NRG3: variants seen among roughly 807,000 people sequenced by gnomAD.
NRG3 encodes neuregulin 3.
NRG3 carries 31 observed loss-of-function variants against 66.9 expected under a neutral mutation model. The observed-to-expected ratio is 0.46, with a 90% CI of 0.35 to 0.63. NRG3 has a LOEUF of 0.63. Among genes scored for constraint, NRG3 ranks in the 20% least tolerant of loss-of-function variants. The probability of loss-of-function intolerance (pLI) is 0.00; values close to 1 mark genes in which losing one functional copy is unlikely to be tolerated. For synonymous variants in NRG3, 393 were observed against 359.4 expected, an observed-to-expected ratio of 1.09 and a Z score of -1.06; for missense variants, 910 against 878.9, an observed-to-expected ratio of 1.04 and a Z score of -0.45.
chr10:82,395,117 C>T (rs915761464), intron 2 of NRG3, among the ~76,000 whole-genome samples: 3 of 152,118 alleles, frequency 2.0e-5, no homozygotes, highest in Non-Finnish European at 2.9e-5. Context: ...ATGAGAAGAA[C>T]GTATGCCAGA....
rs1215145537 is a variant in NRG3, at chr10:82,908,596, C to G, written c.1055-42873C>G. Among the ~76,000 whole-genome samples, 5 of 152,236 alleles carry G rather than the reference C, an allele frequency of 3.3e-5. No homozygotes were observed. In the East Asian group the frequency reaches 9.7e-4, roughly 29 times the overall value. On this transcript the variant is annotated intron_variant, in intron 4 of 8. Coordinates refer to ENST00000372141, the MANE Select transcript of NRG3 (RefSeq NM_001010848.4). ...AATCAGTATGCTAAAATGAGAACAC[C>G]CACGCTAACTCCTTGCTGTTCACCT... is the stretch of plus-strand genomic sequence containing the variant.
intron 4 of NRG3, among the ~76,000 whole-genome samples, chr10:82,941,078 C>T (rs559459112): frequency 2.0e-5 from 3 of 152,102 alleles, no homozygotes; most frequent in Non-Finnish European, 2.9e-5. Flanking sequence ...TTTAGTACCT[C>T]CTGGTCATCT....
rs2048503003 is a variant in NRG3 at position 82,614,324 on chromosome 10, G to A, written c.954-124253G>A. Among the ~76,000 whole-genome samples the A allele has an allele frequency of 7.2e-5, 11 of 152,310 alleles. 1 individual carries two copies. The South Asian group carries it at 2.3e-3, about 32-fold the overall frequency. ...TACAGCAGCATTTTCCAATGAGTTT[G>A]ACATGGTTATGCTCTGTTCGAATTA... On this transcript the variant is annotated intron_variant, in intron 2 of 8. Transcript: ENST00000372141.
At chr10:82,336,411 T>C (rs1412688199) in intron 1 of NRG3, among the ~76,000 whole-genome samples, 1 of 152,294 alleles carries the variant, frequency 6.6e-6, no homozygotes, top group Middle Eastern at 3.4e-3. Flanking sequence ...AGTTAGATAG[T>C]AGATTTCTAG....
At chr10:81,943,460 A>G (rs1848571038) in intron 1 of NRG3, among the ~76,000 whole-genome samples, 1 of 152,218 alleles carries the variant, frequency 6.6e-6, no homozygotes, top group Non-Finnish European at 1.5e-5. Flanking sequence ...TGTGGAAAGC[A>G]TCTCCTGAAA....
chr10:82,443,178 C>T (rs1298856855), intron 2 of NRG3, among the ~76,000 whole-genome samples: 3 of 151,420 alleles, frequency 2.0e-5, no homozygotes, highest in Admixed American at 1.3e-4. Context: ...AGCCCTGGGA[C>T]AACTTCTGTG....
chr10:82,638,696 G>T (rs2050362063), intron 2 of NRG3, among the ~76,000 whole-genome samples: 1 of 151,906 alleles, frequency 6.6e-6, no homozygotes, highest in Admixed American at 6.6e-5. Context: ...CACCAGGCTG[G>T]AGTGCAGTGG....
chr10:82,384,472 T>C (rs907114899), intron 2 of NRG3, among the ~76,000 whole-genome samples: 3 of 152,090 alleles, frequency 2.0e-5, no homozygotes, highest in Non-Finnish European at 2.9e-5. Context: ...GTTATTCCCC[T>C]CATGTGTCCA....
chr10:81,896,446 G>A (rs1419226720), intron 1 of NRG3, among the ~76,000 whole-genome samples: 2 of 152,096 alleles, frequency 1.3e-5, no homozygotes, highest in Non-Finnish European at 2.9e-5. Context: ...CTTTTCTGAA[G>A]CATTTCTCCC....
intron 4 of NRG3, among the ~76,000 whole-genome samples, chr10:82,922,367 T>G (rs1034916620): frequency 6.6e-6 from 1 of 152,176 alleles, no homozygotes; most frequent in Non-Finnish European, 1.5e-5. Context: ...CCATCTGAAT[T>G]GATCCAATAT....
chr10:82,212,772 T>G (rs1437858420), intron 1 of NRG3, among the ~76,000 whole-genome samples: 2 of 152,242 alleles, frequency 1.3e-5, no homozygotes, highest in East Asian at 3.8e-4. Context: ...ATCTATTTAG[T>G]ATACATTTTC....
At chr10:82,692,934 C>T (rs1407254248) in intron 2 of NRG3, among the ~76,000 whole-genome samples, 2 of 152,160 alleles carry the variant, frequency 1.3e-5, no homozygotes, top group African/African-American at 4.8e-5. Context: ...GCCCTGAATG[C>T]TGGCCAACAG....
chr10:82,528,331 G>A (rs1480182383), intron 2 of NRG3, among the ~76,000 whole-genome samples: 2 of 152,098 alleles, frequency 1.3e-5, no homozygotes, highest in African/African-American at 4.8e-5. Flanking sequence ...TTGAGTGGAA[G>A]TTTTGATCAG....
intron 1 of NRG3, among the ~76,000 whole-genome samples, chr10:82,315,358 C>G (rs571934023): frequency 6.6e-6 from 1 of 152,250 alleles, no homozygotes; most frequent in East Asian, 1.9e-4. Flanking sequence ...CTTTCAGGAA[C>G]GATTTCAGTT....
At chr10:82,769,106 T>C (rs2059620978) in intron 3 of NRG3, among the ~76,000 whole-genome samples, 1 of 152,136 alleles carries the variant, frequency 6.6e-6, no homozygotes, top group Non-Finnish European at 1.5e-5. Context: ...TGTAACATTT[T>C]AACCCATAAA....
chr10:82,632,404 C>T (rs2133737839), intron 2 of NRG3, among the ~76,000 whole-genome samples: 1 of 152,264 alleles, frequency 6.6e-6, no homozygotes. Flanking sequence ...TATGAGCTCC[C>T]CTTTACCTGG....
chr10:82,692,587 G>A lies in NRG3; in HGVS notation c.954-45990G>A, dbSNP rs551533505. Among the ~76,000 whole-genome samples, 84 of 152,236 alleles carry A rather than the reference G, an allele frequency of 5.5e-4. 2 individuals are homozygous for A. In the South Asian group the frequency reaches 0.015, roughly 27 times the overall value. ...TTCCACCTCCCAAATTGAATACCAG[G>A]GCCACCACACAGGAGACAAAGAGGC... is the stretch of plus-strand genomic sequence containing the variant. On this transcript the variant is annotated intron_variant, in intron 2 of 8. Coordinates refer to ENST00000372141, the MANE Select transcript of NRG3 (RefSeq NM_001010848.4).
At chr10:82,063,484 A>T (rs1564783803) in intron 1 of NRG3, among the ~76,000 whole-genome samples, 1 of 149,082 alleles carries the variant, frequency 6.7e-6, no homozygotes, top group Non-Finnish European at 1.5e-5. Context: ...AGAGACAATC[A>T]ATATATTTTT....
intron 1 of NRG3, among the ~76,000 whole-genome samples, chr10:82,237,609 C>A (rs920885838): frequency 6.6e-6 from 1 of 151,548 alleles, no homozygotes; most frequent in Non-Finnish European, 1.5e-5. Context: ...ATATATTATT[C>A]TTGAATGAAT....
Sources: gnomAD v4.1 joint callset for allele counts (sites outside exome capture counted in the v4.1 genomes callset) on GRCh38, gnomAD v4.1.1 for gene constraint, MANE v1.5 for transcripts, NCBI Gene and HGNC (gene_info 2026-07-23, HGNC 2026-07-21) for gene names.